The following N4BP2 variants were observed in gnomAD, a reference collection of about 807,000 sequenced individuals.
N4BP2 encodes NEDD4-binding protein 2.
Under a neutral mutation model 152.8 loss-of-function variants are expected in N4BP2, and 91 were observed. The ratio of observed to expected loss-of-function variants is 0.60; its 90% confidence interval spans 0.50 to 0.71. The LOEUF is 0.71. N4BP2 is among the 30% of genes least tolerant of loss of function. The probability of loss-of-function intolerance (pLI) is 0.00; values close to 1 mark genes in which losing one functional copy is unlikely to be tolerated. For missense variants in N4BP2, 1,923 were observed against 2,059.1 expected (o/e 0.93, Z 1.28); for synonymous variants, 646 against 705.3 (o/e 0.92, Z 1.33).
intron 6 of N4BP2, among the ~76,000 whole-genome samples, chr4:40,112,733 T>A (rs1333919555): frequency 6.6e-6 from 1 of 152,128 alleles, no homozygotes; most frequent in Non-Finnish European, 1.5e-5. Context: ...GATGGAGTTT[T>A]GCTCTTGTTG....
chr4:40,149,804 G>C (rs542258285), intron 16 of N4BP2, among the ~76,000 whole-genome samples: 79 of 151,908 alleles, frequency 5.2e-4, no homozygotes, highest in Non-Finnish European at 1.1e-3. Flanking sequence ...GGCTGAGGCA[G>C]GAGAATGGTG....
intron 2 of N4BP2, among the ~76,000 whole-genome samples, chr4:40,096,101 C>G (rs1318695893): frequency 6.6e-6 from 1 of 152,088 alleles, no homozygotes; most frequent in Non-Finnish European, 1.5e-5. Flanking sequence ...TAGATATATT[C>G]AAGCAGAGAA....
the N4BP2 span, among the ~76,000 whole-genome samples, chr4:40,171,869 T>G: frequency 6.6e-6 from 1 of 152,126 alleles, no homozygotes; most frequent in Non-Finnish European, 1.5e-5. Context: ...GCAGGAAGCA[T>G]CCAGCACAGG....
At chr4:40,161,440 A>G (rs1721857071), downstream of N4BP2, among the ~76,000 whole-genome samples, 1 of 152,234 alleles carries the variant, frequency 6.6e-6, no homozygotes, top group Non-Finnish European at 1.5e-5. Context: ...CCATTGAAAC[A>G]AAAGAGGCTT....
intron 12 of N4BP2, 92 bp from the exon 13 acceptor site, chr4:40,131,709 A>G: frequency 1.2e-6 from 1 of 844,054 alleles, no homozygotes; most frequent in Admixed American, 2.3e-5. Flanking sequence ...TTAAATCATC[A>G]GTAGTTTTGC....
intron 1 of N4BP2, among the ~76,000 whole-genome samples, chr4:40,059,555 G>A (rs990238299): frequency 1.3e-5 from 2 of 151,980 alleles, no homozygotes; most frequent in African/African-American, 4.8e-5. Context: ...TTGTCATGTT[G>A]GTGAGGCTGG....
chr4:40,182,400 TG>T, the N4BP2 span, among the ~76,000 whole-genome samples: 681 of 152,318 alleles, frequency 4.5e-3, 3 homozygotes, highest in African/African-American at 0.015. Flanking sequence ...TCCTTGTATT[TG>T]GTATAAATCC....
chr4:40,103,691 G>A (rs1715932103), intron 4 of N4BP2, among the ~76,000 whole-genome samples: 1 of 152,154 alleles, frequency 6.6e-6, no homozygotes, highest in African/African-American at 2.4e-5. Context: ...GATGACAACT[G>A]GTAGTCAGAG....
chr4:40,124,288 T>A, intron 11 of N4BP2, 83 bp downstream of exon 11: 1 of 948,350 alleles, frequency 1.1e-6, no homozygotes, highest in South Asian at 1.7e-5. Flanking sequence ...CTAAATTACT[T>A]CCACAAAATA....
At position 40,102,881 on chromosome 4, in the gene N4BP2, G is replaced by C. The variant is rs748456941; in HGVS notation, c.1036G>C (p.Val346Leu). The C allele has an allele frequency of 6.2e-7, 1 of 1,614,176 alleles. No homozygotes were observed. Among genetic ancestry groups the C allele is most frequent in the Non-Finnish European group, 8.5e-7 (1 of 1,180,030 alleles). ...GGGGAAGGATGTGAGTTACTGCCCG[G>C]TACTTGCTCCTCTCCCATTGCTGTT... ...TKGKDVSYCPVLAPLPLLLPP... is the reference protein window; with the variant it reads ...TKGKDVSYCPLLAPLPLLLPP... The change falls in exon 4 of 18, where the codon GTA (valine) becomes CTA (leucine). Residue 346 changes from valine to leucine, a missense_variant. Physicochemically the swap from Val to Leu is conservative, Grantham distance 32. Coordinates refer to ENST00000261435, the MANE Select transcript of N4BP2 (RefSeq NM_018177.6).
chr4:40,084,139 C>T (rs1295592038), intron 2 of N4BP2, among the ~76,000 whole-genome samples: 6 of 151,956 alleles, frequency 3.9e-5, no homozygotes, highest in South Asian at 2.1e-4. Flanking sequence ...TTAGTAGAGA[C>T]GGGGTTTCGG....
intron 1 of N4BP2, among the ~76,000 whole-genome samples, chr4:40,058,421 G>C (rs1000761157): frequency 1.3e-5 from 2 of 152,206 alleles, no homozygotes; most frequent in African/African-American, 4.8e-5. Flanking sequence ...TGCCGTGCTA[G>C]GATGGGGGGT....
At chr4:40,123,401 T>TC (rs1718113075) in intron 10 of N4BP2, among the ~76,000 whole-genome samples, 189 bp downstream of exon 10, 1 of 152,078 alleles carries the variant, frequency 6.6e-6, no homozygotes, top group African/African-American at 2.4e-5. Flanking sequence ...TCTTTTTTTT[T>TC]CTCTCTTTTC....
intron 9 of N4BP2, 115 bp from the exon 10 acceptor site, chr4:40,123,012 G>T (rs1718077561): frequency 1.7e-6 from 1 of 601,602 alleles, no homozygotes; most frequent in Non-Finnish European, 3.0e-6. Context: ...AGAAGCATAA[G>T]TTAGGAATTA....
At chr4:40,101,305 C>T (rs752272580) in intron 3 of N4BP2, among the ~76,000 whole-genome samples, 6 of 152,030 alleles carry the variant, frequency 3.9e-5, no homozygotes, top group Non-Finnish European at 7.4e-5. Context: ...TACAGGCATG[C>T]GCCGCCACTA....
intron 1 of N4BP2, among the ~76,000 whole-genome samples, chr4:40,066,414 G>A (rs794023): frequency 0.16 from 23,253 of 149,940 alleles, 1,964 homozygotes; most frequent in Middle Eastern, 0.22. Context: ...TGCCTCCCAG[G>A]TTCAAGCAAT....
At chr4:40,060,594 G>A (rs1192303160) in intron 1 of N4BP2, among the ~76,000 whole-genome samples, 1 of 137,960 alleles carries the variant, frequency 7.2e-6, no homozygotes, top group Non-Finnish European at 1.5e-5. Flanking sequence ...ATGTGGCTAA[G>A]TAGCTAGATT....
At chr4:40,066,251 GTTAA>G (rs1355942049) in intron 1 of N4BP2, among the ~76,000 whole-genome samples, 4 of 146,126 alleles carry the variant, frequency 2.7e-5, no homozygotes, top group African/African-American at 1.0e-4. Context: ...GGGACCCAGA[GTTAA>G]TTATTGATTA....
rs1717515466 is a variant in N4BP2 at position 40,118,013 on chromosome 4, T to C, written c.1809T>C (p.Asp603=). ...RIELCAYSCE[D]RSTSPRDDED... The stretch of plus-strand genomic sequence containing the variant: ...AGTTGTGTGCATATTCTTGTGAGGA[T>C]AGAAGCACTAGGTAGGTTAAAATGC... Residue 603 remains aspartate, a synonymous_variant, in exon 8 of 18, where the codon GAT becomes GAC. Coordinates refer to ENST00000261435, the MANE Select transcript of N4BP2 (RefSeq NM_018177.6). 1 of 1,592,936 alleles carries C rather than the reference T, an allele frequency of 6.3e-7. No homozygotes were observed. Among genetic ancestry groups the C allele is most frequent in the Non-Finnish European group, 8.5e-7 (1 of 1,170,784 alleles).
Sources: allele counts gnomAD v4.1 joint callset (sites outside exome capture counted in the v4.1 genomes callset), GRCh38; gene constraint gnomAD v4.1.1; transcripts MANE v1.5; gene names NCBI Gene and HGNC (gene_info 2026-07-23, HGNC 2026-07-21).